Variants in LINC00632 observed in about 807,000 individuals in gnomAD.
LINC00632 encodes long independently transcribed non-coding RNA 632.
At chrX:140,754,704 C>T (rs5907628) in intron 3 of LINC00632, among the ~76,000 whole-genome samples, 40,039 of 106,405 alleles carry the variant, frequency 0.38, 6,300 homozygotes, top group East Asian at 0.72. Flanking sequence ...TTTTTTTTTT[C>T]TACTGGGGGA....
intron 2 of LINC00632, chrX:140,716,276 T>C (rs1930626575): frequency 8.9e-6 from 1 of 111,759 alleles, no homozygotes; most frequent in Admixed American, 9.6e-5. Flanking sequence ...CCCTTGCTGA[T>C]TGTATCACCT....
At chrX:140,785,953 T>C (rs1184281170) in exon 5 of LINC00632, among the ~76,000 whole-genome samples, 1 of 111,576 alleles carries the variant, frequency 9.0e-6, no homozygotes, top group Non-Finnish European at 1.9e-5. Context: ...TGTATCCGAC[T>C]AATGGTAGCT....
intron 3 of LINC00632, chrX:140,733,990 C>G (rs912346934): frequency 2.7e-5 from 3 of 112,465 alleles, no homozygotes; most frequent in Non-Finnish European, 5.6e-5. Flanking sequence ...GTGGATTGCT[C>G]AGAAACGTCC....
chrX:140,736,102 T>C (rs756489452), intron 3 of LINC00632, among the ~76,000 whole-genome samples: 3 of 111,648 alleles, frequency 2.7e-5, no homozygotes, highest in African/African-American at 9.7e-5. Context: ...GAGCACCTTG[T>C]TAAATAACTA....
chrX:140,727,281 C>T (rs1174269346), intron 2 of LINC00632, among the ~76,000 whole-genome samples: 1 of 111,517 alleles, frequency 9.0e-6, no homozygotes, highest in Non-Finnish European at 1.9e-5. Flanking sequence ...CATGGAACCC[C>T]GTCACAATGA....
intron 3 of LINC00632, among the ~76,000 whole-genome samples, chrX:140,736,730 C>T (rs188100612): frequency 2.7e-5 from 3 of 109,288 alleles, no homozygotes; most frequent in African/African-American, 1.0e-4. Flanking sequence ...CCACTGTACT[C>T]GGCCTAGTAT....
chrX:140,724,076 A>C (rs1333597449), intron 2 of LINC00632, among the ~76,000 whole-genome samples: 2 of 87,357 alleles, frequency 2.3e-5, no homozygotes, highest in Non-Finnish European at 4.7e-5. Flanking sequence ...TTCCATACCC[A>C]CACACACACA....
chrX:140,773,277 A>G (rs1193967582), exon 4 of LINC00632, among the ~76,000 whole-genome samples: 1 of 112,012 alleles, frequency 8.9e-6, no homozygotes, highest in Non-Finnish European at 1.9e-5. Context: ...TGTCAGAGGA[A>G]GCAGATTAAG....
intron 2 of LINC00632, among the ~76,000 whole-genome samples, chrX:140,720,664 T>G (rs1930713249): frequency 8.9e-6 from 1 of 111,862 alleles, no homozygotes; most frequent in Non-Finnish European, 1.9e-5. Flanking sequence ...ATCACAACAT[T>G]GTATGTATTA....
chrX:140,717,557 A>G (rs1192500771), intron 2 of LINC00632, among the ~76,000 whole-genome samples: 2 of 110,787 alleles, frequency 1.8e-5, no homozygotes, highest in South Asian at 7.7e-4. Flanking sequence ...GACTCCCACA[A>G]AGCAAACCCA....
In LINC00632 at chrX:140,776,561, G is replaced by A. The variant is rs754609110; in HGVS notation, n.4580G>A. ...AAGCCCGCGCGTGACCACCCACTCC[G>A]GGGGTGTCGCGCGCTGGCCTGTCCG... On this transcript the variant is annotated non_coding_transcript_exon_variant, in exon 5 of 5. Transcript: ENST00000648200. Among the ~76,000 whole-genome samples the A allele has an allele frequency of 2.2e-3, 243 of 112,936 alleles. 1 individual carries two copies. The highest frequency in any genetic ancestry group is 6.9e-3 in the African/African-American group (214 of 31,199).
At chrX:140,729,877 C>CTTTTTTTTTTTTT (rs1207034823) in intron 2 of LINC00632, among the ~76,000 whole-genome samples, 2 of 90,858 alleles carry the variant, frequency 2.2e-5, no homozygotes, top group Admixed American at 1.2e-4. Context: ...TTTCTTTTTT[C>CTTTTTTTTTTTTT]TTTTTTTTTT....
intron 2 of LINC00632, among the ~76,000 whole-genome samples, chrX:140,723,579 CACACACATTCCATACACAG>C (rs1930793380): frequency 1.9e-4 from 4 of 20,845 alleles, no homozygotes; most frequent in Admixed American, 1.7e-3. Context: ...TCCATACACA[CACACACATTCCATACACAG>C]ACACACATTC....
intron 2 of LINC00632, among the ~76,000 whole-genome samples, chrX:140,731,503 C>T (rs1931054626): frequency 9.0e-6 from 1 of 111,522 alleles, no homozygotes; most frequent in African/African-American, 3.3e-5. Flanking sequence ...AGGCAAGGTA[C>T]TTTAATTCAC....
chrX:140,721,901 AC>A (rs758034996), intron 2 of LINC00632, among the ~76,000 whole-genome samples: 44 of 110,649 alleles, frequency 4.0e-4, no homozygotes, highest in Admixed American at 7.8e-4. Context: ...AAATACCTAG[AC>A]CTACCCCAAA....
chrX:140,719,361 T>C (rs1474941325), intron 2 of LINC00632, among the ~76,000 whole-genome samples: 9 of 110,235 alleles, frequency 8.2e-5, no homozygotes, highest in African/African-American at 3.0e-4. Flanking sequence ...TGCGGTGGCA[T>C]GATCTCAGAT....
exon 5 of LINC00632, chrX:140,783,979 G>C (rs755636735): frequency 8.3e-7 from 1 of 1,210,703 alleles, no homozygotes; most frequent in Admixed American, 2.2e-5. Flanking sequence ...AGGTCTTCCA[G>C]ACTATCCATG....
At chrX:140,733,246 G>A (rs905966960) in intron 2 of LINC00632, among the ~76,000 whole-genome samples, 5 of 112,562 alleles carry the variant, frequency 4.4e-5, no homozygotes, top group East Asian at 2.8e-4. Flanking sequence ...ATGCGCTTTC[G>A]CGTGCACAGA....
chrX:140,776,431 C>T (rs1314423151), exon 5 of LINC00632, among the ~76,000 whole-genome samples: 1 of 112,953 alleles, frequency 8.9e-6, no homozygotes, highest in African/African-American at 3.2e-5. Flanking sequence ...GCCCTCCACA[C>T]AAGGGTTTGT....
Sources: allele counts gnomAD v4.1 joint callset (sites outside exome capture counted in the v4.1 genomes callset), GRCh38; gene constraint gnomAD v4.1.1; transcripts MANE v1.5; gene names NCBI Gene and HGNC (gene_info 2026-07-23, HGNC 2026-07-21).